SHTN1: variants seen among roughly 807,000 people sequenced by gnomAD.
SHTN1 encodes the protein shootin-1.
SHTN1 carries 42 observed loss-of-function variants against 83.1 expected under a neutral mutation model. The ratio of observed to expected loss-of-function variants is 0.51; its 90% CI spans 0.39 to 0.65. The LOEUF is 0.65. Among genes scored for constraint, SHTN1 ranks in the 30% least tolerant of loss-of-function variants. The pLI is 0.00. For synonymous variants in SHTN1, 224 were observed against 247.7 expected (o/e 0.90, Z 0.90); for missense variants, 622 against 737.8 (o/e 0.84, Z 1.82).
intron 2 of SHTN1, among the ~76,000 whole-genome samples, chr10:117,031,727 C>G (rs1248661156): frequency 6.6e-6 from 1 of 152,014 alleles, no homozygotes; most frequent in Non-Finnish European, 1.5e-5. Context: ...ATGGCAACTT[C>G]AAACCAAAAA....
At chr10:116,931,824 G>A (rs1848979976) in intron 9 of SHTN1, among the ~76,000 whole-genome samples, 1 of 152,090 alleles carries the variant, frequency 6.6e-6, no homozygotes, top group African/African-American at 2.4e-5. Context: ...TGGGATACTT[G>A]GTTAATCTTC....
chr10:116,988,118 A>G (rs963489492), intron 1 of SHTN1, among the ~76,000 whole-genome samples: 1 of 152,198 alleles, frequency 6.6e-6, no homozygotes, highest in Non-Finnish European at 1.5e-5. Context: ...ATTTTAGTTA[A>G]TAATAATATA....
intron 1 of SHTN1, among the ~76,000 whole-genome samples, chr10:116,989,846 C>G (rs748068407): frequency 3.3e-5 from 5 of 152,182 alleles, no homozygotes; most frequent in Non-Finnish European, 7.4e-5. Context: ...GTCTCTTGTT[C>G]ATTTTGTCTT....
intron 1 of SHTN1, among the ~76,000 whole-genome samples, chr10:117,089,746 GAAAC>G (rs769123807): frequency 3.3e-5 from 5 of 151,660 alleles, no homozygotes; most frequent in African/African-American, 9.7e-5. Flanking sequence ...CTCAACCACA[GAAAC>G]AAACAAGCTG....
At chr10:117,076,394 CT>C (rs1289234946) in intron 1 of SHTN1, among the ~76,000 whole-genome samples, 1 of 152,094 alleles carries the variant, frequency 6.6e-6, no homozygotes, top group African/African-American at 2.4e-5. Context: ...TCAACTGCAT[CT>C]CTCTTTCTTA....
At chr10:116,902,059 G>T in intron 15 of SHTN1, 102 bp from the exon 16 acceptor site, 1 of 1,035,140 alleles carries the variant, frequency 9.7e-7, no homozygotes, top group Non-Finnish European at 1.4e-6. Flanking sequence ...GAAGTGAAAA[G>T]GCCAAGTTTG....
chr10:116,914,558 G>C (rs1848314784), intron 13 of SHTN1, among the ~76,000 whole-genome samples: 2 of 152,074 alleles, frequency 1.3e-5, no homozygotes, highest in African/African-American at 4.8e-5. Context: ...TTGAGGTAGG[G>C]CAGCCTTGAG....
chr10:117,019,922 A>G (rs1361134766), intron 2 of SHTN1, among the ~76,000 whole-genome samples: 1 of 152,118 alleles, frequency 6.6e-6, no homozygotes, highest in Non-Finnish European at 1.5e-5. Flanking sequence ...TGCCCAGTAT[A>G]TTGGTATGGT....
chr10:116,938,257 G>T (rs1320347181), intron 9 of SHTN1, among the ~76,000 whole-genome samples: 1 of 152,020 alleles, frequency 6.6e-6, no homozygotes, highest in African/African-American at 2.4e-5. Context: ...CTGGTTTTTG[G>T]AATTTTCAGC....
At chr10:117,106,035 A>G (rs1240546186) in intron 1 of SHTN1, among the ~76,000 whole-genome samples, 1 of 151,918 alleles carries the variant, frequency 6.6e-6, no homozygotes, top group Non-Finnish European at 1.5e-5. Context: ...AAATATAAAT[A>G]CCAGGCAAAA....
chr10:117,061,936 G>T (rs1254783367), intron 1 of SHTN1, among the ~76,000 whole-genome samples: 1 of 152,138 alleles, frequency 6.6e-6, no homozygotes, highest in Non-Finnish European at 1.5e-5. Context: ...TTGAAATGTA[G>T]GTAGAGTATA....
Position 116,959,398 on chromosome 10 carries a change from T to C in SHTN1, c.267+738A>G, listed in dbSNP as rs576608730. Reference sequence around the variant, plus strand: ...ATTTATGTATTTATTGAGAGTAGGATTTCAGTCACATCCAAAGAAATTTTC... The same window carrying C: ...ATTTATGTATTTATTGAGAGTAGGACTTCAGTCACATCCAAAGAAATTTTC... On this transcript the variant is annotated intron_variant, in intron 4 of 16. Coordinates refer to ENST00000355371, the MANE Select transcript of SHTN1 (RefSeq NM_001127211.3). Among the ~76,000 whole-genome samples the C allele has an allele frequency of 7.4e-4, 112 of 152,274 alleles. 2 individuals are homozygous for C. In the South Asian group the frequency reaches 0.022, roughly 30 times the overall value.
At chr10:117,045,600 C>T (rs1164683015) in intron 2 of SHTN1, among the ~76,000 whole-genome samples, 1 of 152,184 alleles carries the variant, frequency 6.6e-6, no homozygotes. Context: ...TAGCTTCTGA[C>T]ACATACAACT....
intron 8 of SHTN1, among the ~76,000 whole-genome samples, chr10:116,944,491 T>A (rs1480588527): frequency 6.6e-6 from 1 of 152,212 alleles, no homozygotes; most frequent in Non-Finnish European, 1.5e-5. Context: ...GATACTATTC[T>A]ATATCTGCCT....
At chr10:117,075,671 A>ATAT (rs1210675426) in intron 1 of SHTN1, among the ~76,000 whole-genome samples, 22 of 152,200 alleles carry the variant, frequency 1.4e-4, no homozygotes, top group African/African-American at 5.1e-4. Flanking sequence ...GATACCAGAG[A>ATAT]TATTATAGTA....
chr10:117,005,318 T>G (rs7906476), upstream of SHTN1: 1,332,666 of 1,363,954 alleles, frequency 0.98, 654,738 homozygotes, highest in Non-Finnish European at 1. Context: ...GCAGTCCCGT[T>G]CAGGGGGTGG....
chr10:117,012,845 CAT>C (rs775649638), intron 2 of SHTN1, among the ~76,000 whole-genome samples: 5 of 152,132 alleles, frequency 3.3e-5, no homozygotes, highest in Non-Finnish European at 4.4e-5. Context: ...TTAAAAATCA[CAT>C]ATTAATATTT....
chr10:117,020,658 AC>A (rs1232802489), intron 2 of SHTN1, among the ~76,000 whole-genome samples: 4 of 152,066 alleles, frequency 2.6e-5, no homozygotes, highest in Admixed American at 2.6e-4. Context: ...TAAAAAAAAA[AC>A]TAATTCAAGA....
chr10:116,968,557 C>G, intron 3 of SHTN1, 95 bp downstream of exon 3: 1 of 831,144 alleles, frequency 1.2e-6, no homozygotes, highest in Non-Finnish European at 1.9e-6. Flanking sequence ...GATTGTATGA[C>G]CAGGACATTA....
Sources: allele counts gnomAD v4.1 joint callset (sites outside exome capture counted in the v4.1 genomes callset), GRCh38; gene constraint gnomAD v4.1.1; transcripts MANE v1.5; gene names NCBI Gene and HGNC (gene_info 2026-07-23, HGNC 2026-07-21).